SYTL3: variants seen among roughly 807,000 people sequenced by gnomAD.
SYTL3 encodes the protein synaptotagmin-like protein 3.
SYTL3 carries 88 observed loss-of-function variants against 82.1 expected under a neutral mutation model. That is an observed-to-expected ratio of 1.07 (90% CI 0.90 to 1.28). The LOEUF (loss-of-function observed/expected upper bound fraction) is 1.28. SYTL3 is among the 50% of genes most tolerant of loss of function. The probability of loss-of-function intolerance (pLI) is 0.00; values close to 1 mark genes in which losing one functional copy is unlikely to be tolerated. For synonymous variants in SYTL3, 311 were observed against 289.4 expected, an observed-to-expected ratio of 1.07 and a Z score of -0.76; for missense variants, 831 against 757.6, an observed-to-expected ratio of 1.10 and a Z score of -1.14.
chr6:158,713,513 G>T (rs563189919), intron 8 of SYTL3, among the ~76,000 whole-genome samples: 1 of 152,172 alleles, frequency 6.6e-6, no homozygotes, highest in South Asian at 2.1e-4. Flanking sequence ...ATTTCCCAGG[G>T]GTACTTGTCA....
chr6:158,731,658 A>G (rs1785437758), intron 11 of SYTL3, among the ~76,000 whole-genome samples: 1 of 152,080 alleles, frequency 6.6e-6, no homozygotes, highest in Admixed American at 6.6e-5. Flanking sequence ...CAGGGGTGCA[A>G]TCTCAGCTCA....
At chr6:158,757,176 G>A in intron 13 of SYTL3, 35 bp from the exon 14 acceptor site, 1 of 1,591,840 alleles carries the variant, frequency 6.3e-7, no homozygotes. Context: ...CGGGCCCCGG[G>A]AGCCCAGCTG....
At chr6:158,674,514 G>C (rs1399749318) in intron 5 of SYTL3, among the ~76,000 whole-genome samples, 1 of 152,178 alleles carries the variant, frequency 6.6e-6, no homozygotes, top group Admixed American at 6.5e-5. Context: ...GAAGCTCTTG[G>C]TTGTCTCTTT....
intron 11 of SYTL3, among the ~76,000 whole-genome samples, chr6:158,734,177 G>A (rs1217814525): frequency 4.7e-5 from 7 of 150,064 alleles, no homozygotes; most frequent in African/African-American, 1.7e-4. Flanking sequence ...TTGTCTAAAT[G>A]CTATAGTACC....
chr6:158,749,673 T>G (rs181535147), intron 12 of SYTL3, among the ~76,000 whole-genome samples: 1 of 151,752 alleles, frequency 6.6e-6, no homozygotes, highest in Non-Finnish European at 1.5e-5. Context: ...TTTTCAGTAG[T>G]GATGAGGTCC....
intron 11 of SYTL3, among the ~76,000 whole-genome samples, chr6:158,739,376 A>T (rs1037685501): frequency 2.0e-5 from 3 of 152,096 alleles, no homozygotes; most frequent in African/African-American, 7.2e-5. Context: ...ATTTTAAGCA[A>T]TGTTATTATG....
chr6:158,704,400 C>G (rs543668525), intron 6 of SYTL3, among the ~76,000 whole-genome samples: 1 of 152,368 alleles, frequency 6.6e-6, no homozygotes, highest in East Asian at 1.9e-4. Context: ...CACGCGCACG[C>G]CCGGTCCGTG....
intron 5 of SYTL3, among the ~76,000 whole-genome samples, chr6:158,668,684 A>G (rs766539807): frequency 1.3e-5 from 2 of 152,210 alleles, no homozygotes; most frequent in Admixed American, 6.5e-5. Flanking sequence ...TAAAAGAGCA[A>G]TCTGAGAGTT....
chr6:158,745,755 A>AC, intron 12 of SYTL3, 97 bp downstream of exon 12: 2 of 1,040,778 alleles, frequency 1.9e-6, no homozygotes, highest in Non-Finnish European at 2.7e-6. Context: ...ATTATTAAAA[A>AC]AAAAAACAAA....
chr6:158,724,763 C>G (rs1464860382), intron 10 of SYTL3, among the ~76,000 whole-genome samples: 2 of 152,170 alleles, frequency 1.3e-5, no homozygotes, highest in Non-Finnish European at 2.9e-5. Context: ...GCCTGTAATC[C>G]CAGCACTTTG....
Position 158,730,821 on chromosome 6 carries a change from C to CTG in SYTL3, c.855+5184_855+5185insTG, listed in dbSNP as rs1785304695. Among the ~76,000 whole-genome samples, 3 of 152,080 alleles carry CTG rather than the reference C, an allele frequency of 2.0e-5. No homozygotes were observed. In the South Asian group the frequency reaches 6.2e-4, roughly 32 times the overall value. The stretch of plus-strand genomic sequence containing the variant: ...TTAGGACATACCTAGGTAAGAGAAA[C>CTG]CGCAGGGGCGGTAAAGCATTCCTTA... On this transcript the variant is annotated intron_variant, in intron 11 of 17. Transcript: ENST00000611299.
In SYTL3 at chr6:158,655,279, G is replaced by A. The variant is rs140338951; in HGVS notation, c.-637+3437G>A. On this transcript the variant is annotated intron_variant, in intron 2 of 17. Transcript: ENST00000611299. ...GTGAGGACTCACTTGCCCCCTGCCC[G>A]TCCTTACTTCCTGCTGTACTTGAAT... 3.3e-3 allele frequency among the ~76,000 whole-genome samples: 509 copies of A among 152,168 alleles called. 2 individuals carry two copies. The highest frequency in any genetic ancestry group is 0.012 in the African/African-American group (486 of 41,516).
chr6:158,649,930 G>A (rs564983064), upstream of SYTL3: 1 of 152,174 alleles, frequency 6.6e-6, no homozygotes, highest in Non-Finnish European at 1.5e-5. Flanking sequence ...TAGCCACCGA[G>A]GCATGTAAGG....
chr6:158,664,794 G>A (rs1437289609), intron 4 of SYTL3, among the ~76,000 whole-genome samples: 1 of 152,080 alleles, frequency 6.6e-6, no homozygotes, highest in African/African-American at 2.4e-5. Context: ...CTACAAGTAG[G>A]TATCACAGAC....
At chr6:158,657,412 C>T (rs1788804464) in intron 2 of SYTL3, among the ~76,000 whole-genome samples, 1 of 113,126 alleles carries the variant, frequency 8.8e-6, no homozygotes, top group Non-Finnish European at 1.6e-5. Context: ...GGTGGCAGAG[C>T]GAGACTCTGG....
At chr6:158,713,743 A>C in intron 8 of SYTL3, 57 bp from the exon 9 acceptor site, 1 of 1,328,024 alleles carries the variant, frequency 7.5e-7, no homozygotes, top group South Asian at 1.3e-5. Context: ...GACACTGCTG[A>C]GGCAAACACA....
At position 158,752,045 on chromosome 6, in the gene SYTL3, G is replaced by C; in HGVS notation, c.1137+15G>C. ...AGACCTTGAAGGTACTTGCTGGACA[G>C]ATATTCCTGTGCAGAGTCCTCCCGA... On this transcript the variant is annotated intron_variant, in intron 13 of 17. Coordinates refer to ENST00000611299, the MANE Select transcript of SYTL3 (RefSeq NM_001242394.2). 1 of 1,575,536 alleles carries C rather than the reference G, an allele frequency of 6.3e-7. No homozygotes were observed. The highest frequency in any genetic ancestry group is 8.6e-7 in the Non-Finnish European group (1 of 1,163,626).
chr6:158,720,152 A>G (rs1783911729), intron 10 of SYTL3, among the ~76,000 whole-genome samples: 1 of 152,128 alleles, frequency 6.6e-6, no homozygotes, highest in South Asian at 2.1e-4. Flanking sequence ...CTGTAATCCC[A>G]GCACTCTGGG....
At chr6:158,730,995 G>C (rs547286532) in intron 11 of SYTL3, among the ~76,000 whole-genome samples, 7 of 152,278 alleles carry the variant, frequency 4.6e-5, no homozygotes, top group African/African-American at 1.7e-4. Flanking sequence ...TAGTAAAAAA[G>C]ATATTCGGGC....
Sources: gnomAD v4.1 joint callset for allele counts (sites outside exome capture counted in the v4.1 genomes callset) on GRCh38, gnomAD v4.1.1 for gene constraint, MANE v1.5 for transcripts, NCBI Gene and HGNC (gene_info 2026-07-23, HGNC 2026-07-21) for gene names.